CEP85L: variants seen among roughly 807,000 people sequenced by gnomAD.
CEP85L encodes centrosomal protein 85L.
Under a neutral mutation model 100.3 loss-of-function variants are expected in CEP85L, and 60 were observed. The ratio of observed to expected loss-of-function variants is 0.60; its 90% CI spans 0.49 to 0.74. CEP85L has a LOEUF of 0.74. Ranked by LOEUF, CEP85L falls within the 30% of genes least tolerant of loss-of-function variation. The pLI is 0.00. For synonymous variants in CEP85L, 319 were observed against 322.7 expected (o/e 0.99, Z 0.12); for missense variants, 973 against 936.2 (o/e 1.04, Z -0.51).
intron 6 of CEP85L, among the ~76,000 whole-genome samples, chr6:118,486,231 C>T (rs1036468269): frequency 1.3e-4 from 20 of 152,176 alleles, no homozygotes; most frequent in African/African-American, 4.8e-4. Context: ...CTGTCCCATA[C>T]AAACAGAGGT....
chr6:118,708,017 T>TA (rs1474442738), intron 1 of CEP85L, among the ~76,000 whole-genome samples: 2 of 152,046 alleles, frequency 1.3e-5, no homozygotes, highest in Non-Finnish European at 2.9e-5. Context: ...TACTAAAATT[T>TA]AAAAAACATA....
At chr6:118,521,451 TAAAG>T (rs1440723709) in intron 4 of CEP85L, among the ~76,000 whole-genome samples, 1 of 152,152 alleles carries the variant, frequency 6.6e-6, no homozygotes, top group Admixed American at 6.6e-5. Flanking sequence ...AATAAACTCA[TAAAG>T]AAACCAAAGA....
At chr6:118,614,108 T>C (rs1223681999) in intron 2 of CEP85L, among the ~76,000 whole-genome samples, 2 of 152,032 alleles carry the variant, frequency 1.3e-5, no homozygotes, top group African/African-American at 4.8e-5. Context: ...CACCACCATA[T>C]CAACAAACTA....
upstream of CEP85L, chr6:118,651,778 T>G: frequency 1.3e-6 from 1 of 784,112 alleles, no homozygotes; most frequent in Non-Finnish European, 1.5e-6. Flanking sequence ...TGTCCCGCCC[T>G]CCCGCCGCAT....
At chr6:118,654,938 C>G (rs1300803607), upstream of CEP85L, among the ~76,000 whole-genome samples, 2 of 152,088 alleles carry the variant, frequency 1.3e-5, no homozygotes, top group African/African-American at 4.8e-5. Flanking sequence ...TAGGCCAGGT[C>G]AGTTGTAGAT....
chr6:118,514,801 GA>G (rs936612607), intron 4 of CEP85L, among the ~76,000 whole-genome samples: 4 of 151,524 alleles, frequency 2.6e-5, no homozygotes, highest in Non-Finnish European at 4.4e-5. Flanking sequence ...AGTAGAAGCA[GA>G]TTTTTTTTTT....
rs1187858565 is a variant in CEP85L, at chr6:118,594,953, T to C, written c.233-28637A>G. Among the ~76,000 whole-genome samples, 3 of 151,450 alleles carry C rather than the reference T, an allele frequency of 2.0e-5. No individual in the cohort carries two copies. The East Asian group carries it at 5.8e-4, about 29-fold the overall frequency. On this transcript the variant is annotated intron_variant, in intron 2 of 12. Transcript: ENST00000368491. ...GAGAGCCTGCCTATCAGGAGCCACATGATACAGGAGAGAAAGACTGTCCTG... is the reference window on the plus strand; with the variant it reads ...GAGAGCCTGCCTATCAGGAGCCACACGATACAGGAGAGAAAGACTGTCCTG...
intron 3 of CEP85L, 54 bp from the exon 4 acceptor site, chr6:118,523,974 T>A (rs1438694877): frequency 1.5e-6 from 1 of 682,342 alleles, no homozygotes; most frequent in African/African-American, 1.9e-5. Flanking sequence ...AGAAAATATT[T>A]ATATATTATC....
chr6:118,482,375 T>G (rs1380083037), intron 7 of CEP85L, among the ~76,000 whole-genome samples: 35 of 152,148 alleles, frequency 2.3e-4, no homozygotes, highest in Admixed American at 2.3e-3. Context: ...TCTCCCTCCA[T>G]TTCCTGGTAA....
intron 2 of CEP85L, among the ~76,000 whole-genome samples, chr6:118,584,949 G>A (rs1468636373): frequency 6.6e-6 from 1 of 152,152 alleles, no homozygotes; most frequent in East Asian, 1.9e-4. Context: ...AGGAAACTGG[G>A]GAATCTGAGC....
At chr6:118,656,001 G>A (rs1488651694), upstream of CEP85L, among the ~76,000 whole-genome samples, 1 of 152,198 alleles carries the variant, frequency 6.6e-6, no homozygotes, top group African/African-American at 2.4e-5. Flanking sequence ...TCAACATGCT[G>A]TGAAATAAAA....
At chr6:118,691,533 C>CAA (rs372306868) in intron 1 of CEP85L, among the ~76,000 whole-genome samples, 993 of 88,634 alleles carry the variant, frequency 0.011, 18 homozygotes, top group African/African-American at 0.035. Context: ...AACTCCATCT[C>CAA]AAAAAAAAAA....
At chr6:118,696,796 T>C (rs1451105294) in intron 1 of CEP85L, among the ~76,000 whole-genome samples, 1 of 152,158 alleles carries the variant, frequency 6.6e-6, no homozygotes, top group African/African-American at 2.4e-5. Context: ...TGTTAAAACG[T>C]TCTAAGATAG....
chr6:118,533,608 T>TA (rs1475894266), intron 3 of CEP85L, among the ~76,000 whole-genome samples: 11 of 152,186 alleles, frequency 7.2e-5, no homozygotes, highest in Middle Eastern at 3.4e-3. Flanking sequence ...TTTTATGAGT[T>TA]CAACAATGCT....
chr6:118,665,210 T>A (rs1451734378), intron 1 of CEP85L, among the ~76,000 whole-genome samples: 1 of 152,182 alleles, frequency 6.6e-6, no homozygotes, highest in East Asian at 1.9e-4. Flanking sequence ...CCCCCATGTG[T>A]ACCAGCTGTT....
chr6:118,664,111 G>C (rs1562348010), intron 1 of CEP85L, among the ~76,000 whole-genome samples: 2 of 151,908 alleles, frequency 1.3e-5, no homozygotes, highest in African/African-American at 4.8e-5. Flanking sequence ...GCCCAGGCTG[G>C]TCTCAAACGC....
intron 1 of CEP85L, among the ~76,000 whole-genome samples, chr6:118,697,428 T>C (rs1211383362): frequency 6.6e-6 from 1 of 152,210 alleles, no homozygotes; most frequent in African/African-American, 2.4e-5. Context: ...ATTTCTCTCT[T>C]GCTGGAAAAA....
At chr6:118,700,810 A>C (rs912534379) in intron 1 of CEP85L, among the ~76,000 whole-genome samples, 1 of 152,176 alleles carries the variant, frequency 6.6e-6, no homozygotes, top group South Asian at 2.1e-4. Context: ...TGGGCTAAAA[A>C]TGGTAAAACC....
chr6:118,595,239 T>C (rs1158034679), intron 2 of CEP85L, among the ~76,000 whole-genome samples: 2 of 151,726 alleles, frequency 1.3e-5, no homozygotes, highest in Admixed American at 6.6e-5. Context: ...ATGTACCTTA[T>C]GTTACAATTT....
Sources: gnomAD v4.1 joint callset for allele counts (sites outside exome capture counted in the v4.1 genomes callset) on GRCh38, gnomAD v4.1.1 for gene constraint, MANE v1.5 for transcripts, NCBI Gene and HGNC (gene_info 2026-07-23, HGNC 2026-07-21) for gene names.